The following DEPTOR variants were observed in gnomAD, a reference collection of about 807,000 sequenced individuals.
The protein encoded by DEPTOR is DEP domain-containing mTOR-interacting protein.
A neutral mutation model predicts 41.6 loss-of-function variants in DEPTOR; 41 were observed. The ratio of observed to expected loss-of-function variants is 0.98; its 90% confidence interval spans 0.77 to 1.28. The LOEUF (loss-of-function observed/expected upper bound fraction) is 1.28, where lower values mean the gene tolerates loss of function less well. Ranked by LOEUF, DEPTOR falls within the 50% of genes most tolerant of loss-of-function variation. The pLI, the probability that DEPTOR is intolerant of heterozygous loss-of-function variation, is 0.00. For synonymous variants in DEPTOR, 195 were observed against 192.3 expected, an observed-to-expected ratio of 1.01 and a Z score of -0.12; for missense variants, 514 against 527.9, an observed-to-expected ratio of 0.97 and a Z score of 0.26.
chr8:119,908,091 G>A (rs1047531322), intron 1 of DEPTOR, among the ~76,000 whole-genome samples: 3 of 152,180 alleles, frequency 2.0e-5, no homozygotes, highest in Admixed American at 6.5e-5. Context: ...ACTAGGAAAA[G>A]TGGAGGCCGA....
intron 3 of DEPTOR, among the ~76,000 whole-genome samples, chr8:119,948,489 G>A (rs1327793826): frequency 6.6e-6 from 1 of 151,936 alleles, no homozygotes; most frequent in African/African-American, 2.4e-5. Flanking sequence ...ATGAACAAAT[G>A]AAAGTACTAA....
At chr8:119,932,324 T>G (rs977852861) in intron 3 of DEPTOR, among the ~76,000 whole-genome samples, 3 of 152,192 alleles carry the variant, frequency 2.0e-5, no homozygotes, top group Non-Finnish European at 4.4e-5. Context: ...GGGATCTGCA[T>G]AACCACACTG....
In DEPTOR at chr8:120,018,665, C is replaced by CT. The variant is rs1383725543; in HGVS notation, c.1101+9533dup. Among the ~76,000 whole-genome samples, 6 of 152,270 alleles carry CT rather than the reference C, an allele frequency of 3.9e-5. No individual in the cohort carries two copies. In the East Asian group the frequency reaches 9.7e-4, roughly 25 times the overall value. On this transcript the variant is annotated intron_variant, in intron 8 of 8. Transcript: ENST00000286234. ...CATTGTTTTGTATGCAGTGCTATGT[C>CT]TCACTTTTGCAGAGTTGTAGCTTCT...
At chr8:119,997,115 A>G (rs2130068350) in intron 4 of DEPTOR, among the ~76,000 whole-genome samples, 1 of 152,196 alleles carries the variant, frequency 6.6e-6, no homozygotes, top group African/African-American at 2.4e-5. Flanking sequence ...ATTATATTTT[A>G]TATTTTATTT....
intron 3 of DEPTOR, among the ~76,000 whole-genome samples, chr8:119,950,408 A>G (rs778063353): frequency 2.0e-5 from 3 of 152,002 alleles, no homozygotes; most frequent in Admixed American, 6.6e-5. Context: ...TTTTAAATTT[A>G]AATTTAATTT....
chr8:119,902,071 A>G (rs944455623), intron 1 of DEPTOR, among the ~76,000 whole-genome samples: 2 of 152,084 alleles, frequency 1.3e-5, no homozygotes, highest in Non-Finnish European at 2.9e-5. Context: ...CTGATCCCCA[A>G]CATCCTACTG....
intron 4 of DEPTOR, among the ~76,000 whole-genome samples, chr8:119,974,887 T>G (rs1193632272): frequency 6.6e-6 from 1 of 151,810 alleles, no homozygotes; most frequent in African/African-American, 2.4e-5. Context: ...GAAAAAGACC[T>G]TATACAAATG....
chr8:119,882,154 A>G (rs1184374758), intron 1 of DEPTOR, among the ~76,000 whole-genome samples: 2 of 151,986 alleles, frequency 1.3e-5, no homozygotes, highest in Non-Finnish European at 2.9e-5. Flanking sequence ...GCCTCCCAAA[A>G]TGCTGGGATT....
chr8:119,884,766 C>G (rs1827342773), intron 1 of DEPTOR, among the ~76,000 whole-genome samples: 10 of 151,472 alleles, frequency 6.6e-5, no homozygotes, highest in Admixed American at 6.6e-4. Context: ...CTCTGTTGCT[C>G]AGGCTGGAGT....
chr8:120,049,815 G>T lies in DEPTOR; in HGVS notation c.*111G>T. On this transcript the variant is annotated 3_prime_UTR_variant, in exon 9 of 9. Coordinates refer to ENST00000286234, the MANE Select transcript of DEPTOR (RefSeq NM_022783.4). ...CAAATGGATGGTTTTGGACATACGAGTCTTCTCCGCACATACATGTCTAAA... is the reference window on the plus strand; with the variant it reads ...CAAATGGATGGTTTTGGACATACGATTCTTCTCCGCACATACATGTCTAAA... The T allele has an allele frequency of 3.6e-6, 5 of 1,400,906 alleles. No homozygotes were observed. Among genetic ancestry groups the T allele is most frequent in the Non-Finnish European group, 4.9e-6 (5 of 1,028,900 alleles). The allele number at this position is 1,400,906 out of a possible 1,614,324, so 86.8% of individuals were successfully genotyped here. A position where few individuals can be genotyped will look rare whatever the true frequency, so the allele number is the denominator to read the frequency against.
At chr8:119,952,606 T>C (rs1267821397) in intron 3 of DEPTOR, among the ~76,000 whole-genome samples, 1 of 152,218 alleles carries the variant, frequency 6.6e-6, no homozygotes, top group East Asian at 1.9e-4. Flanking sequence ...CCAGTATGTG[T>C]TGTTCCCCCC....
At chr8:119,886,497 A>G (rs962666865) in intron 1 of DEPTOR, among the ~76,000 whole-genome samples, 2 of 151,942 alleles carry the variant, frequency 1.3e-5, no homozygotes, top group African/African-American at 4.8e-5. Context: ...ACACAGACAC[A>G]CACATATACA....
At chr8:119,987,920 G>C (rs1347481843) in intron 4 of DEPTOR, among the ~76,000 whole-genome samples, 1 of 152,200 alleles carries the variant, frequency 6.6e-6, no homozygotes, top group African/African-American at 2.4e-5. Flanking sequence ...CTGGCAGTGA[G>C]AATTTAAAGC....
chr8:120,049,452 A>C, intron 8 of DEPTOR, 124 bp from the exon 9 acceptor site: 1 of 1,141,754 alleles, frequency 8.8e-7, no homozygotes, highest in Non-Finnish European at 1.2e-6. Flanking sequence ...TGGAGTCGTC[A>C]GCTGGATACA....
chr8:119,949,894 G>T (rs1828331310), intron 3 of DEPTOR, among the ~76,000 whole-genome samples: 1 of 151,944 alleles, frequency 6.6e-6, no homozygotes, highest in African/African-American at 2.4e-5. Flanking sequence ...TGGCCCGGCT[G>T]GTCTTGAACT....
chr8:120,033,003 A>G (rs887693624), intron 8 of DEPTOR, among the ~76,000 whole-genome samples: 2 of 151,908 alleles, frequency 1.3e-5, no homozygotes, highest in Admixed American at 6.6e-5. Context: ...GTAAAAGAGA[A>G]GTGAGGATGG....
At chr8:120,007,419 A>G (rs1812459148) in intron 7 of DEPTOR, among the ~76,000 whole-genome samples, 1 of 152,138 alleles carries the variant, frequency 6.6e-6, no homozygotes. Context: ...GCCTTGAGGT[A>G]CACGAGCCTC....
chr8:120,049,470 A>G (rs913178883), intron 8 of DEPTOR, 106 bp from the exon 9 acceptor site: 10 of 1,333,872 alleles, frequency 7.5e-6, no homozygotes, highest in Non-Finnish European at 5.0e-6. Flanking sequence ...ACATTTGGAT[A>G]TTTTAAGAAT....
At chr8:119,931,578 C>T (rs142285495) in intron 3 of DEPTOR, among the ~76,000 whole-genome samples, 219 of 152,250 alleles carry the variant, frequency 1.4e-3, no homozygotes, top group Non-Finnish European at 2.8e-3. Flanking sequence ...CTGTGTTATG[C>T]GCTCTGTCCC....
Sources: gnomAD v4.1 joint callset for allele counts (sites outside exome capture counted in the v4.1 genomes callset) on GRCh38, gnomAD v4.1.1 for gene constraint, MANE v1.5 for transcripts, NCBI Gene and HGNC (gene_info 2026-07-23, HGNC 2026-07-21) for gene names.